TMTC2: variants seen among roughly 807,000 people sequenced by gnomAD.
The protein encoded by TMTC2 is transmembrane O-mannosyltransferase targeting cadherins 2.
TMTC2 carries 43 observed loss-of-function variants against 82.4 expected under a neutral mutation model. That is an observed-to-expected ratio of 0.52 (90% confidence interval 0.41 to 0.67). The LOEUF (loss-of-function observed/expected upper bound fraction) is 0.67. Ranked by LOEUF, TMTC2 falls within the 30% of genes least tolerant of loss-of-function variation. TMTC2 has a pLI of 0.00. For missense variants in TMTC2, 919 were observed against 1,012.4 expected, an observed-to-expected ratio of 0.91 and a Z score of 1.25; for synonymous variants, 408 against 381.9, an observed-to-expected ratio of 1.07 and a Z score of -0.80.
At chr12:83,036,803 G>C (rs1325095573) in intron 9 of TMTC2, among the ~76,000 whole-genome samples, 2 of 152,080 alleles carry the variant, frequency 1.3e-5, no homozygotes, top group South Asian at 4.1e-4. Flanking sequence ...AAATTCAAGG[G>C]CATTGCCTTT....
intron 8 of TMTC2, among the ~76,000 whole-genome samples, chr12:83,016,035 T>A (rs1038413352): frequency 6.6e-6 from 1 of 152,208 alleles, no homozygotes; most frequent in Non-Finnish European, 1.5e-5. Context: ...CTTTCTTTAT[T>A]TGTAAGTCAC....
At chr12:83,127,451 G>A (rs767750115) in intron 11 of TMTC2, among the ~76,000 whole-genome samples, 1 of 151,874 alleles carries the variant, frequency 6.6e-6, no homozygotes, top group Admixed American at 6.6e-5. Context: ...GGATACAAGA[G>A]AGCCCAACTA....
rs572115101 is a variant in TMTC2, at chr12:83,133,678, A to G, written c.*1289A>G. ...ATGATCATTTCACAAGAAAAAGACT[A>G]TAAATTAAGTAGAGAACAACATTTT... On this transcript the variant is annotated 3_prime_UTR_variant, in exon 12 of 12. Coordinates refer to ENST00000321196, the MANE Select transcript of TMTC2 (RefSeq NM_152588.3). 17 of 152,350 alleles carry G rather than the reference A, an allele frequency of 1.1e-4. No homozygotes were observed. The highest frequency in any genetic ancestry group is 3.4e-4 in the African/African-American group (14 of 41,588). The allele number at this position is 152,350 out of a possible 1,614,324, so 9.4% of individuals were successfully genotyped here. A position where few individuals can be genotyped will look rare whatever the true frequency, so the allele number is the denominator to read the frequency against.
chr12:82,745,137 A>T (rs1002190343), intron 1 of TMTC2, among the ~76,000 whole-genome samples: 4 of 152,028 alleles, frequency 2.6e-5, no homozygotes, highest in African/African-American at 7.2e-5. Flanking sequence ...CACAACAGGG[A>T]TTTATTTTCC....
chr12:82,782,200 C>G (rs1877942599), intron 1 of TMTC2, among the ~76,000 whole-genome samples: 1 of 152,048 alleles, frequency 6.6e-6, no homozygotes, highest in Non-Finnish European at 1.5e-5. Context: ...TCATCTCAGC[C>G]TCTCCTCCCA....
chr12:82,743,257 A>G (rs1488765034), intron 1 of TMTC2, among the ~76,000 whole-genome samples: 1 of 152,108 alleles, frequency 6.6e-6, no homozygotes, highest in East Asian at 1.9e-4. Context: ...CCTGGCTAAC[A>G]TGGTGAAACC....
intron 8 of TMTC2, among the ~76,000 whole-genome samples, chr12:82,993,246 G>A (rs756511396): frequency 6.6e-6 from 1 of 152,102 alleles, no homozygotes; most frequent in African/African-American, 2.4e-5. Flanking sequence ...GCCTCCCAAA[G>A]TGCTGGGGTT....
chr12:82,871,241 G>A (rs78532007), intron 2 of TMTC2, among the ~76,000 whole-genome samples: 14 of 152,292 alleles, frequency 9.2e-5, no homozygotes, highest in African/African-American at 3.4e-4. Flanking sequence ...TAGATAGTAT[G>A]CAGCAGAGAG....
At chr12:82,717,384 C>T (rs1033340828) in intron 1 of TMTC2, among the ~76,000 whole-genome samples, 3 of 151,896 alleles carry the variant, frequency 2.0e-5, no homozygotes, top group Non-Finnish European at 4.4e-5. Context: ...ACCACCATGC[C>T]CGGCTAAGTT....
intron 1 of TMTC2, among the ~76,000 whole-genome samples, chr12:82,779,337 A>G (rs1328900377): frequency 2.0e-5 from 3 of 152,122 alleles, no homozygotes; most frequent in African/African-American, 7.2e-5. Flanking sequence ...GATATATTAA[A>G]TAAATCATTC....
chr12:82,925,516 T>G (rs1875648504), intron 3 of TMTC2, among the ~76,000 whole-genome samples: 1 of 152,242 alleles, frequency 6.6e-6, no homozygotes, highest in Admixed American at 6.5e-5. Context: ...ATATTGCATA[T>G]GTTTTTTTAA....
intron 1 of TMTC2, among the ~76,000 whole-genome samples, chr12:82,730,003 C>T (rs965570844): frequency 6.6e-6 from 1 of 152,096 alleles, no homozygotes; most frequent in Non-Finnish European, 1.5e-5. Flanking sequence ...AGCGAGACCA[C>T]GAACCCACCA....
chr12:82,975,521 G>A (rs1352787186), intron 7 of TMTC2, among the ~76,000 whole-genome samples: 1 of 152,140 alleles, frequency 6.6e-6, no homozygotes, highest in Non-Finnish European at 1.5e-5. Flanking sequence ...TTATGGGAAC[G>A]GGATTTTTGT....
chr12:82,990,523 C>T (rs542650761), intron 8 of TMTC2, among the ~76,000 whole-genome samples: 143 of 152,092 alleles, frequency 9.4e-4, no homozygotes, highest in African/African-American at 3.3e-3. Flanking sequence ...TTATTTCTTC[C>T]GTGAAGTCTT....
At chr12:82,928,865 A>G (rs1875865770) in intron 3 of TMTC2, among the ~76,000 whole-genome samples, 2 of 152,200 alleles carry the variant, frequency 1.3e-5, no homozygotes, top group Admixed American at 1.3e-4. Context: ...TTGGAAGCAA[A>G]GAAGGTATAT....
intron 1 of TMTC2, among the ~76,000 whole-genome samples, chr12:82,771,802 G>A (rs995586230): frequency 3.3e-5 from 5 of 152,038 alleles, no homozygotes; most frequent in Non-Finnish European, 7.4e-5. Flanking sequence ...TGTACCAAAG[G>A]GGTGGGGAGG....
At chr12:83,025,943 G>T (rs2137413875) in intron 8 of TMTC2, among the ~76,000 whole-genome samples, 1 of 152,236 alleles carries the variant, frequency 6.6e-6, no homozygotes, top group South Asian at 2.1e-4. Flanking sequence ...ACCCTACTGG[G>T]GTATAGACAT....
chr12:82,755,338 G>T (rs1408802166), intron 1 of TMTC2, among the ~76,000 whole-genome samples: 3 of 151,948 alleles, frequency 2.0e-5, no homozygotes, highest in Non-Finnish European at 4.4e-5. Flanking sequence ...TTTCCTTTGG[G>T]AAACCTCCTA....
At chr12:83,036,730 A>G (rs1243894713) in intron 9 of TMTC2, among the ~76,000 whole-genome samples, 1 of 152,080 alleles carries the variant, frequency 6.6e-6, no homozygotes, top group African/African-American at 2.4e-5. Flanking sequence ...TGTTGCTATA[A>G]CAGAATACCT....
Sources: allele counts gnomAD v4.1 joint callset (sites outside exome capture counted in the v4.1 genomes callset), GRCh38; gene constraint gnomAD v4.1.1; transcripts MANE v1.5; gene names NCBI Gene and HGNC (gene_info 2026-07-23, HGNC 2026-07-21).